The following ANKRD17 variants were observed in gnomAD, a reference collection of about 807,000 sequenced individuals.
ANKRD17 encodes the protein ankyrin repeat domain-containing protein 17.
A neutral mutation model predicts 229.7 loss-of-function variants in ANKRD17; 19 were observed. The ratio of observed to expected loss-of-function variants is 0.08; its 90% CI spans 0.06 to 0.12. The LOEUF is 0.12. Ranked by LOEUF, ANKRD17 falls within the 10% of genes least tolerant of loss-of-function variation. ANKRD17 has a pLI of 1.00. For missense variants in ANKRD17, 2,176 were observed against 3,176.8 expected, an observed-to-expected ratio of 0.68 and a Z score of 7.57; for synonymous variants, 1,112 against 1,146.1, an observed-to-expected ratio of 0.97 and a Z score of 0.60.
At chr4:73,222,895 C>T in intron 1 of ANKRD17, 1 of 1,148,614 alleles carries the variant, frequency 8.7e-7, no homozygotes, top group East Asian at 2.6e-5. Context: ...CTAATCTATT[C>T]ATCTGTAAAA....
chr4:73,118,243 G>A (rs1014675137), intron 22 of ANKRD17, among the ~76,000 whole-genome samples: 4 of 152,076 alleles, frequency 2.6e-5, no homozygotes, highest in Non-Finnish European at 4.4e-5. Context: ...GCCTCCCAAA[G>A]TGCTGAGATT....
intron 2 of ANKRD17, among the ~76,000 whole-genome samples, chr4:73,169,647 C>T (rs931079114): frequency 1.3e-5 from 2 of 152,134 alleles, no homozygotes; most frequent in Non-Finnish European, 2.9e-5. Flanking sequence ...GTTTTGACTT[C>T]GCATTGCTGA....
intron 16 of ANKRD17, among the ~76,000 whole-genome samples, chr4:73,134,182 A>C (rs1728602333): frequency 6.6e-6 from 1 of 152,188 alleles, no homozygotes; most frequent in African/African-American, 2.4e-5. Flanking sequence ...CTTTATTTTT[A>C]ATAGGTTAAG....
intron 15 of ANKRD17, among the ~76,000 whole-genome samples, chr4:73,137,983 T>A (rs1045500092): frequency 4.6e-5 from 7 of 152,078 alleles, no homozygotes; most frequent in South Asian, 2.1e-4. Context: ...ATAAAAAAAA[T>A]TTTTTTAAAC....
At chr4:73,116,123 C>A (rs536894068) in intron 22 of ANKRD17, among the ~76,000 whole-genome samples, 1 of 147,482 alleles carries the variant, frequency 6.8e-6, no homozygotes, top group African/African-American at 2.5e-5. Context: ...AAAAAAAGTA[C>A]ATAATAATAT....
At chr4:73,240,467 A>AG (rs1743916162) in intron 1 of ANKRD17, among the ~76,000 whole-genome samples, 1 of 151,774 alleles carries the variant, frequency 6.6e-6, no homozygotes, top group African/African-American at 2.4e-5. Flanking sequence ...ACAAAAAAAA[A>AG]AAAAAAAATT....
intron 1 of ANKRD17, among the ~76,000 whole-genome samples, chr4:73,188,311 G>C (rs1736566108): frequency 6.6e-6 from 1 of 152,134 alleles, no homozygotes; most frequent in Non-Finnish European, 1.5e-5. Context: ...TTTAGGCCAG[G>C]TATGGTGGCT....
At chr4:73,226,319 C>T (rs1742489887) in intron 1 of ANKRD17, among the ~76,000 whole-genome samples, 1 of 149,456 alleles carries the variant, frequency 6.7e-6, no homozygotes, top group Non-Finnish European at 1.5e-5. Context: ...AGAGAATTGT[C>T]TGATATCCAC....
intron 14 of ANKRD17, 94 bp downstream of exon 14, chr4:73,141,647 G>A: frequency 8.1e-7 from 1 of 1,240,264 alleles, no homozygotes; most frequent in South Asian, 1.4e-5. Flanking sequence ...TGCCAACTTA[G>A]TAAACTTCTT....
At position 73,085,362 on chromosome 4, in the gene ANKRD17, C is replaced by T; in HGVS notation, c.7046G>A (p.Gly2349Asp). The stretch of plus-strand genomic sequence containing the variant: ...GGGTGCCCCAGGTCCGTACATCTGA[C>T]CTCCTGAAATGTTTGAAGCAAAGTT... ...LGNFASNISG[G>D]QMYGPGAPLG... The change falls in exon 30 of 34, where the codon GGT becomes GAT. Residue 2349 changes from glycine to aspartate, a missense_variant. Transcript: ENST00000358602. 1 of 1,614,074 alleles carries T rather than the reference C, an allele frequency of 6.2e-7. No homozygotes were observed. Among genetic ancestry groups the T allele is most frequent in the Non-Finnish European group, 8.5e-7 (1 of 1,180,024 alleles).
intron 21 of ANKRD17, among the ~76,000 whole-genome samples, chr4:73,119,553 C>T (rs1488047463): frequency 6.6e-6 from 1 of 152,152 alleles, no homozygotes; most frequent in Non-Finnish European, 1.5e-5. Context: ...GTTTAGCATT[C>T]ATTCAGTGGG....
intron 1 of ANKRD17, among the ~76,000 whole-genome samples, chr4:73,194,179 T>C (rs1285117840): frequency 6.6e-6 from 1 of 152,210 alleles, no homozygotes; most frequent in Non-Finnish European, 1.5e-5. Context: ...ATAAAATACT[T>C]CTATCTAACC....
At chr4:73,161,434 T>G in intron 2 of ANKRD17, 86 bp from the exon 3 acceptor site, 1 of 1,364,114 alleles carries the variant, frequency 7.3e-7, no homozygotes, top group Non-Finnish European at 1.0e-6. Flanking sequence ...ATACTGTGTA[T>G]GTTAACAAAT....
intron 1 of ANKRD17, among the ~76,000 whole-genome samples, chr4:73,200,155 A>G (rs899212259): frequency 2.0e-5 from 3 of 152,208 alleles, no homozygotes; most frequent in Non-Finnish European, 2.9e-5. Flanking sequence ...AATTTTTTAT[A>G]AAGTACCAGG....
intron 1 of ANKRD17, among the ~76,000 whole-genome samples, chr4:73,204,358 CAAAAAAAAA>C (rs374000000): frequency 1.7e-5 from 1 of 59,146 alleles, no homozygotes; most frequent in Admixed American, 2.3e-4. Flanking sequence ...GAGACTCCGT[CAAAAAAAAA>C]AAAAAAAAAA....
chr4:73,258,722 A>G lies in ANKRD17; in HGVS notation c.-54T>C. ...GGGGAGGGGCGTGGGGCTACGCTCT[A>G]CCGCGACTTCGGCCGCACTGGGGCC... On this transcript the variant is annotated 5_prime_UTR_variant, in exon 1 of 34. Transcript: ENST00000358602. The G allele has an allele frequency of 2.2e-6, 3 of 1,376,676 alleles. No homozygotes were observed. The highest frequency in any genetic ancestry group is 2.8e-6 in the Non-Finnish European group (3 of 1,075,032). 85.3% of individuals were successfully genotyped at this position (1,376,676 alleles called of 1,614,324 possible). A position where few individuals can be genotyped will look rare whatever the true frequency, so the allele number is the denominator to read the frequency against.
intron 9 of ANKRD17, 21 bp from the exon 10 acceptor site, chr4:73,146,894 T>C (rs1236927843): frequency 6.4e-7 from 1 of 1,571,842 alleles, no homozygotes; most frequent in Non-Finnish European, 8.7e-7. Flanking sequence ...CAACAAATAA[T>C]ACATAGACTT....
intron 9 of ANKRD17, 98 bp from the exon 10 acceptor site, chr4:73,146,971 A>C: frequency 1.0e-6 from 1 of 952,472 alleles, no homozygotes; most frequent in South Asian, 1.9e-5. Flanking sequence ...ATACCTCCTC[A>C]AGTTAAACAA....
chr4:73,110,177 G>A (rs965505286), intron 24 of ANKRD17, among the ~76,000 whole-genome samples: 5 of 152,132 alleles, frequency 3.3e-5, no homozygotes, highest in Admixed American at 6.6e-5. Flanking sequence ...AGCCAAGAAC[G>A]TAACTTAGTT....
Sources: gnomAD v4.1 joint callset for allele counts (sites outside exome capture counted in the v4.1 genomes callset) on GRCh38, gnomAD v4.1.1 for gene constraint, MANE v1.5 for transcripts, NCBI Gene and HGNC (gene_info 2026-07-23, HGNC 2026-07-21) for gene names.